The following SNX29 variants were observed in gnomAD, a reference collection of about 807,000 sequenced individuals.
The protein encoded by SNX29 is sorting nexin 29.
SNX29 carries 78 observed loss-of-function variants against 102.1 expected under a neutral mutation model. That is an observed-to-expected ratio of 0.76 (90% CI 0.64 to 0.92). The LOEUF is 0.92. Ranked by LOEUF, SNX29 falls within the 40% of genes least tolerant of loss-of-function variation. SNX29 has a pLI of 0.00. For synonymous variants in SNX29, 580 were observed against 414.5 expected (o/e 1.40, Z -4.85); for missense variants, 1,280 against 1,061.7 (o/e 1.21, Z -2.86).
rs200723808 is a variant in SNX29 at position 12,572,546 on chromosome 16, C to T, written c.*3917C>T. On this transcript the variant is annotated 3_prime_UTR_variant, in exon 21 of 21. Transcript: ENST00000566228. ...AAGCCCCCACAGGGGGCTGCGACAC[C>T]ATCTGGCTCCTCACAGGGAGGTCCA... is the stretch of plus-strand genomic sequence containing the variant. 1,160 of 1,063,540 alleles carry T rather than the reference C, an allele frequency of 1.1e-3. 11 individuals carry two copies. The African/African-American group carries it at 0.017, about 16-fold the overall frequency. The allele number at this position is 1,063,540 out of a possible 1,614,324, so 65.9% of individuals were successfully genotyped here.
chr16:12,505,395 C>G (rs761087737), intron 19 of SNX29, among the ~76,000 whole-genome samples: 1 of 152,120 alleles, frequency 6.6e-6, no homozygotes, highest in African/African-American at 2.4e-5. Context: ...ATTGAATTTT[C>G]TTGGCATCCT....
chr16:12,506,524 C>G (rs2089386847), intron 19 of SNX29, among the ~76,000 whole-genome samples: 1 of 152,272 alleles, frequency 6.6e-6, no homozygotes, highest in African/African-American at 2.4e-5. Context: ...ACCAAAGCTT[C>G]ATTAAAGGCA....
chr16:12,429,757 T>G (rs187592579), intron 18 of SNX29, among the ~76,000 whole-genome samples: 394 of 152,368 alleles, frequency 2.6e-3, no homozygotes, highest in Middle Eastern at 0.01. Context: ...GGAACCATGT[T>G]GCTCTTCAGG....
intron 20 of SNX29, among the ~76,000 whole-genome samples, chr16:12,563,454 A>T (rs2078845153): frequency 6.6e-6 from 1 of 152,228 alleles, no homozygotes; most frequent in Non-Finnish European, 1.5e-5. Flanking sequence ...TAAATTTAGG[A>T]AACCTAATAG....
intron 16 of SNX29, among the ~76,000 whole-genome samples, chr16:12,390,593 G>A (rs949939731): frequency 2.0e-5 from 3 of 152,314 alleles, no homozygotes; most frequent in African/African-American, 7.2e-5. Context: ...GTGCATTTGT[G>A]GAATGGAGCA....
chr16:12,476,484 A>G (rs568303080), intron 18 of SNX29, among the ~76,000 whole-genome samples: 15 of 130,142 alleles, frequency 1.2e-4, no homozygotes, highest in Non-Finnish European at 1.8e-4. Flanking sequence ...GACCCCTAAA[A>G]CATTAGCTTG....
chr16:12,179,683 G>A (rs2076339275), intron 13 of SNX29, among the ~76,000 whole-genome samples: 2 of 152,176 alleles, frequency 1.3e-5, no homozygotes, highest in African/African-American at 4.8e-5. Context: ...GTTATTGCAA[G>A]CTTCATCTGT....
intron 13 of SNX29, 61 bp downstream of exon 13, chr16:12,129,819 A>T (rs2054377919): frequency 6.6e-7 from 1 of 1,512,668 alleles, no homozygotes; most frequent in Non-Finnish European, 8.9e-7. Flanking sequence ...ACCTGAGCAT[A>T]CTGGGCCGGG....
intron 14 of SNX29, among the ~76,000 whole-genome samples, chr16:12,229,127 A>G (rs935166895): frequency 3.3e-5 from 5 of 152,152 alleles, no homozygotes; most frequent in South Asian, 4.1e-4. Flanking sequence ...GCTATGTTTT[A>G]TGGAGCACTT....
rs1471777002 is a variant in SNX29, at chr16:12,568,590, G to C, written c.2403G>C (p.Arg801=). Residue 801 remains arginine (R), a synonymous_variant, in exon 21 of 21, where the codon CGG becomes CGC. Transcript: ENST00000566228. ...CCAAACTGTCCCGGGGTCAGCCCCG[G>C]GAGACCCGCAACGTGGAGCCCCAGA... ...RFPKLSRGQP[R]ETRNVEPQSG... The C allele has an allele frequency of 6.2e-7, 1 of 1,606,550 alleles. No individual in the cohort carries two copies. The highest frequency in any genetic ancestry group is 1.1e-5 in the South Asian group (1 of 91,082).
intron 7 of SNX29, among the ~76,000 whole-genome samples, chr16:12,050,648 G>T (rs1350879354): frequency 2.6e-5 from 4 of 152,044 alleles, no homozygotes; most frequent in African/African-American, 9.7e-5. Context: ...CACTGTCCAG[G>T]AAAGCAAAGG....
chr16:12,529,463 G>A (rs960671193), intron 20 of SNX29, among the ~76,000 whole-genome samples: 1 of 152,178 alleles, frequency 6.6e-6, no homozygotes, highest in Admixed American at 6.5e-5. Flanking sequence ...ACCGCAAATC[G>A]GTGACAGCTT....
intron 18 of SNX29, among the ~76,000 whole-genome samples, chr16:12,440,646 G>A (rs185172839): frequency 1.3e-5 from 2 of 148,784 alleles, no homozygotes; most frequent in African/African-American, 5.0e-5. Context: ...TCTGTGTCAC[G>A]TGTTCTCATC....
intron 8 of SNX29, among the ~76,000 whole-genome samples, chr16:12,060,232 A>G (rs2050715396): frequency 6.6e-6 from 1 of 152,236 alleles, no homozygotes; most frequent in Admixed American, 6.5e-5. Context: ...ATCATAAGCA[A>G]TCTAGAGATG....
At chr16:12,432,581 C>G (rs1193327505) in intron 18 of SNX29, among the ~76,000 whole-genome samples, 3 of 152,164 alleles carry the variant, frequency 2.0e-5, no homozygotes, top group Non-Finnish European at 4.4e-5. Context: ...GAACAGCACG[C>G]TATGTATAAG....
At chr16:12,483,274 G>A (rs936775438) in intron 19 of SNX29, among the ~76,000 whole-genome samples, 3 of 150,574 alleles carry the variant, frequency 2.0e-5, no homozygotes, top group Non-Finnish European at 4.4e-5. Context: ...CTCCCAAAGT[G>A]GTGAGATTAC....
chr16:11,983,046 T>G (rs393630), intron 1 of SNX29, among the ~76,000 whole-genome samples: 1 of 151,678 alleles, frequency 6.6e-6, no homozygotes, highest in Non-Finnish European at 1.5e-5. Flanking sequence ...TTCTCTTGCC[T>G]CAGCCTCCTG....
At chr16:12,559,970 C>G (rs543377088) in intron 20 of SNX29, among the ~76,000 whole-genome samples, 56 of 152,310 alleles carry the variant, frequency 3.7e-4, no homozygotes, top group African/African-American at 1.3e-3. Flanking sequence ...CAGAGCAAGA[C>G]TCCACCACGA....
At chr16:12,561,879 T>C (rs1337264172) in intron 20 of SNX29, among the ~76,000 whole-genome samples, 2 of 152,156 alleles carry the variant, frequency 1.3e-5, no homozygotes, top group African/African-American at 4.8e-5. Flanking sequence ...GGCTGTCTCC[T>C]AGGTGACCGT....
Sources: allele counts gnomAD v4.1 joint callset (sites outside exome capture counted in the v4.1 genomes callset), GRCh38; gene constraint gnomAD v4.1.1; transcripts MANE v1.5; gene names NCBI Gene and HGNC (gene_info 2026-07-23, HGNC 2026-07-21).